The following TMEM170B variants were observed in gnomAD, a reference collection of about 807,000 sequenced individuals.
TMEM170B encodes transmembrane protein 170B.
TMEM170B carries 6 observed loss-of-function variants against 13.0 expected under a neutral mutation model. The ratio of observed to expected loss-of-function variants is 0.46; its 90% CI spans 0.25 to 0.91. The LOEUF is 0.91. Ranked by LOEUF, TMEM170B falls within the 40% of genes least tolerant of loss-of-function variation. TMEM170B has a pLI of 0.17. For missense variants in TMEM170B, 138 were observed against 165.2 expected, an observed-to-expected ratio of 0.84 and a Z score of 0.90; for synonymous variants, 61 against 64.9, an observed-to-expected ratio of 0.94 and a Z score of 0.29.
chr6:11,567,253 T>A lies in TMEM170B; in HGVS notation c.268+1417T>A, dbSNP rs778245229. 6.1e-3 allele frequency among the ~76,000 whole-genome samples: 935 copies of A among 152,288 alleles called. 26 individuals carry two copies. In the East Asian group the frequency reaches 0.088, roughly 14 times the overall value. The stretch of plus-strand genomic sequence containing the variant: ...TAGTGTGGTTGTGCCAGGAACCGGG[T>A]GCCTCTCTGAGCTGCTGTTGATTCT... On this transcript the variant is annotated intron_variant, in intron 2 of 2. Transcript: ENST00000379426.
At chr6:11,538,802 C>G (rs1759320451) in intron 1 of TMEM170B, among the ~76,000 whole-genome samples, 1 of 152,218 alleles carries the variant, frequency 6.6e-6, no homozygotes, top group African/African-American at 2.4e-5. Flanking sequence ...AATCTCAAGC[C>G]AAATGTAGAA....
rs1334192939 is a variant in TMEM170B at position 11,577,458 on chromosome 6, T to G, written c.*1897T>G. ...CTTTTCTGCCAGACTTGAATTGTGT[T>G]CTTCTTTTACTTTGGCTATTCTGTC... On this transcript the variant is annotated 3_prime_UTR_variant, in exon 3 of 3. Transcript: ENST00000379426. 6.6e-6 allele frequency: 1 copy of G among 152,140 alleles called. No homozygotes were observed. Among genetic ancestry groups the G allele is most frequent in the Non-Finnish European group, 1.5e-5 (1 of 67,960 alleles). The allele number at this position is 152,140 out of a possible 1,614,324, so 9.4% of individuals were successfully genotyped here.
rs889587125 is a variant in TMEM170B at position 11,575,261 on chromosome 6, G to A, written c.269-170G>A. ...TAAGTGGCTAAGTGTATTATGGTAA[G>A]TTGTAACTTTCACCAATCACAGGGA... On this transcript the variant is annotated intron_variant, in intron 2 of 2. Transcript: ENST00000379426. The surrounding 1 kb of genome is among the most constrained non-coding windows in gnomAD (Gnocchi z 4.1). 2.6e-5 allele frequency among the ~76,000 whole-genome samples: 4 copies of A among 152,106 alleles called. No individual in the cohort carries two copies. The highest frequency in any genetic ancestry group is 5.9e-5 in the Non-Finnish European group (4 of 68,024).
Position 11,538,226 on chromosome 6 carries a change from G to A in TMEM170B, c.-52G>A, listed in dbSNP as rs1393077566. 4.7e-6 allele frequency: 5 copies of A among 1,061,754 alleles called. No individual in the cohort carries two copies. The highest frequency in any genetic ancestry group is 4.7e-6 in the Non-Finnish European group (4 of 846,406). 65.8% of individuals were successfully genotyped at this position (1,061,754 alleles called of 1,614,324 possible). A position where few individuals can be genotyped will look rare whatever the true frequency, so the allele number is the denominator to read the frequency against. ...CCGCCGCCCCCCGAGCCTCGCAGCCGCCGCCGCCGCCCGGCACCCGAGGAG... is the reference window on the plus strand; with the variant it reads ...CCGCCGCCCCCCGAGCCTCGCAGCCACCGCCGCCGCCCGGCACCCGAGGAG... On this transcript the variant is annotated 5_prime_UTR_variant, in exon 1 of 3. Transcript: ENST00000379426.
rs1443652826 is a variant in TMEM170B, at chr6:11,582,462, A to G, written c.*6901A>G. The stretch of plus-strand genomic sequence containing the variant: ...AGTAGCTACTAACTTCATATGGTTC[A>G]ATGTAAATCAGTTACTTAGTCATTG... On this transcript the variant is annotated 3_prime_UTR_variant, in exon 3 of 3. Transcript: ENST00000379426. 6.6e-6 allele frequency: 1 copy of G among 152,206 alleles called. No homozygotes were observed. The highest frequency in any genetic ancestry group is 2.4e-5 in the African/African-American group (1 of 41,448). The allele number at this position is 152,206 out of a possible 1,614,324, so 9.4% of individuals were successfully genotyped here.
chr6:11,540,010 GA>G (rs1422824048), intron 1 of TMEM170B, among the ~76,000 whole-genome samples: 4 of 151,938 alleles, frequency 2.6e-5, no homozygotes, highest in African/African-American at 9.6e-5. Context: ...CATTATGTCT[GA>G]AAAAAAAGTA....
In TMEM170B at chr6:11,576,852, C is replaced by T. The variant is rs490466; in HGVS notation, c.*1291C>T. ...TATGATTTAAGTTTAGTAGAAGAAT[C>T]TGTGAGGGCATATAGCAAAAGTGGA... On this transcript the variant is annotated 3_prime_UTR_variant, in exon 3 of 3. Transcript: ENST00000379426. The T allele has an allele frequency of 0.21, 32,077 of 151,978 alleles. 4,076 individuals carry two copies. The highest frequency in any genetic ancestry group is 0.45 in the South Asian group (2,168 of 4,822). 9.4% of individuals were successfully genotyped at this position (151,978 alleles called of 1,614,324 possible).
intron 1 of TMEM170B, among the ~76,000 whole-genome samples, chr6:11,556,418 G>A (rs1198154349): frequency 2.0e-5 from 3 of 152,120 alleles, no homozygotes; most frequent in Non-Finnish European, 4.4e-5. Flanking sequence ...GTAGCTTTTA[G>A]CCATTTCTTC....
intron 1 of TMEM170B, among the ~76,000 whole-genome samples, chr6:11,544,039 A>G (rs1015473136): frequency 2.0e-5 from 3 of 152,228 alleles, no homozygotes; most frequent in Admixed American, 6.5e-5. Flanking sequence ...ATATCACTCC[A>G]TCAGTGAAGT....
rs1245153239 is a variant in TMEM170B at position 11,577,873 on chromosome 6, G to C, written c.*2312G>C. ...TTTGCTGTTTTCAGTTATTTCCATTGAGATTTTGTGCAACTGTCTCTCTTT... is the reference window on the plus strand; with the variant it reads ...TTTGCTGTTTTCAGTTATTTCCATTCAGATTTTGTGCAACTGTCTCTCTTT... On this transcript the variant is annotated 3_prime_UTR_variant, in exon 3 of 3. Transcript: ENST00000379426. 1 of 152,046 alleles carries C rather than the reference G, an allele frequency of 6.6e-6. No individual in the cohort carries two copies. The highest frequency in any genetic ancestry group is 1.9e-4 in the East Asian group (1 of 5,204). The allele number at this position is 152,046 out of a possible 1,614,324, so 9.4% of individuals were successfully genotyped here.
At chr6:11,561,801 AT>A (rs1462937316) in intron 1 of TMEM170B, among the ~76,000 whole-genome samples, 1 of 152,232 alleles carries the variant, frequency 6.6e-6, no homozygotes, top group Non-Finnish European at 1.5e-5. Context: ...TGGACTGGTC[AT>A]TGGAAGACCA....
chr6:11,571,162 T>G (rs1047507723), intron 2 of TMEM170B, among the ~76,000 whole-genome samples: 9 of 145,772 alleles, frequency 6.2e-5, no homozygotes, highest in Non-Finnish European at 1.2e-4. Context: ...CCTTAACCTT[T>G]ATCATATGCT....
At chr6:11,562,378 C>G (rs1759677626) in intron 1 of TMEM170B, among the ~76,000 whole-genome samples, 2 of 149,610 alleles carry the variant, frequency 1.3e-5, no homozygotes, top group Admixed American at 1.3e-4. Flanking sequence ...CAAGTTTTGT[C>G]TATATTTCCG....
At chr6:11,549,752 G>T (rs937648330) in intron 1 of TMEM170B, among the ~76,000 whole-genome samples, 1 of 151,748 alleles carries the variant, frequency 6.6e-6, no homozygotes, top group Non-Finnish European at 1.5e-5. Flanking sequence ...GAAAGAAAAA[G>T]ATTTTTTTCA....
Position 11,575,612 on chromosome 6 carries a change from C to T in TMEM170B, c.*51C>T. ...ACATAAGGAAACAGATGTACAGATT[C>T]CCTGAAAACGGCATTGTTAACAAGT... On this transcript the variant is annotated 3_prime_UTR_variant, in exon 3 of 3. Coordinates refer to ENST00000379426, the MANE Select transcript of TMEM170B (RefSeq NM_001100829.3). This position sits in a 1 kb window ranked among gnomAD's most constrained non-coding sequence, Gnocchi z 4.1. The T allele has an allele frequency of 6.3e-7, 1 of 1,599,162 alleles. No individual in the cohort carries two copies. The highest frequency in any genetic ancestry group is 8.6e-7 in the Non-Finnish European group (1 of 1,169,334).
chr6:11,569,934 A>G (rs745650039), intron 2 of TMEM170B, among the ~76,000 whole-genome samples: 14 of 151,690 alleles, frequency 9.2e-5, no homozygotes, highest in Admixed American at 6.6e-5. Flanking sequence ...TTTGTGGTAT[A>G]TCTTAATATC....
chr6:11,571,150 AC>A (rs754745022), intron 2 of TMEM170B, among the ~76,000 whole-genome samples: 1 of 145,920 alleles, frequency 6.9e-6, no homozygotes, highest in East Asian at 2.0e-4. Context: ...GTGCCTCTTC[AC>A]CCTTAACCTT....
chr6:11,545,884 C>T (rs1018096122), intron 1 of TMEM170B, among the ~76,000 whole-genome samples: 11 of 150,920 alleles, frequency 7.3e-5, no homozygotes, highest in Admixed American at 2.6e-4. Flanking sequence ...TGGTGGCGGG[C>T]GCCTATAGTC....
intron 1 of TMEM170B, among the ~76,000 whole-genome samples, chr6:11,541,352 A>T (rs1328312438): frequency 6.6e-6 from 1 of 152,232 alleles, no homozygotes; most frequent in Non-Finnish European, 1.5e-5. Flanking sequence ...TTGTGCTTCT[A>T]CATCAGCATT....
Sources: allele counts gnomAD v4.1 joint callset (sites outside exome capture counted in the v4.1 genomes callset), GRCh38; gene constraint gnomAD v4.1.1; non-coding constraint Gnocchi (gnomAD v3.1); transcripts MANE v1.5; gene names NCBI Gene and HGNC (gene_info 2026-07-23, HGNC 2026-07-21).